Variants in C4BPB observed in about 807,000 individuals in gnomAD.
The protein encoded by C4BPB is C4b-binding protein beta chain.
Under a neutral mutation model 26.6 loss-of-function variants are expected in C4BPB, and 19 were observed. The ratio of observed to expected loss-of-function variants is 0.71; its 90% confidence interval spans 0.50 to 1.05. The LOEUF (loss-of-function observed/expected upper bound fraction) is 1.05, where lower values mean the gene tolerates loss of function less well. Among genes scored for constraint, C4BPB ranks in the 50% least tolerant of loss-of-function variants. The pLI, the probability that C4BPB is intolerant of heterozygous loss-of-function variation, is 0.00. For synonymous variants in C4BPB, 118 were observed against 103.5 expected (o/e 1.14, Z -0.85); for missense variants, 282 against 302.9 (o/e 0.93, Z 0.51).
intron 2 of C4BPB, among the ~76,000 whole-genome samples, 193 bp from the exon 3 acceptor site, chr1:207,090,115 C>G (rs1395350601): frequency 1.3e-5 from 2 of 152,122 alleles, no homozygotes; most frequent in Admixed American, 6.5e-5. Context: ...GCTGAAAATA[C>G]AAAAAATTAG....
At chr1:207,098,600 G>A (rs1284653961) in intron 6 of C4BPB, among the ~76,000 whole-genome samples, 1 of 152,122 alleles carries the variant, frequency 6.6e-6, no homozygotes, top group Non-Finnish European at 1.5e-5. Flanking sequence ...GGATGGGGGT[G>A]GGGAGAGTGG....
intron 3 of C4BPB, among the ~76,000 whole-genome samples, chr1:207,091,419 A>G (rs529101668): frequency 6.6e-6 from 1 of 152,332 alleles, no homozygotes; most frequent in East Asian, 1.9e-4. Flanking sequence ...TTGCCAATTC[A>G]TGTTGTTCTT....
intron 4 of C4BPB, chr1:207,095,991 G>A (rs1238553809): frequency 1.1e-5 from 2 of 177,642 alleles, no homozygotes; most frequent in Admixed American, 1.1e-4. Flanking sequence ...ACAGCCTGCA[G>A]AACTGTGAGC....
intron 4 of C4BPB, among the ~76,000 whole-genome samples, chr1:207,093,522 A>C (rs1006842165): frequency 6.6e-6 from 1 of 152,190 alleles, no homozygotes; most frequent in South Asian, 2.1e-4. Flanking sequence ...TCAGGAGGAA[A>C]AGTCTATTCA....
At chr1:207,092,828 TC>T (rs1684089458) in intron 4 of C4BPB, among the ~76,000 whole-genome samples, 4 of 152,066 alleles carry the variant, frequency 2.6e-5, no homozygotes, top group South Asian at 4.1e-4. Context: ...GGTTTCACCA[TC>T]TTGGCCAGAC....
At chr1:207,090,237 G>C (rs1360965050) in intron 2 of C4BPB, 71 bp from the exon 3 acceptor site, 2 of 1,187,356 alleles carry the variant, frequency 1.7e-6, no homozygotes, top group South Asian at 1.5e-5. Context: ...ACATGAGAAT[G>C]GGGAAATCTA....
Position 207,096,597 on chromosome 1 carries a change from G to T in C4BPB, c.485G>T (p.Ser162Ile). The change falls in exon 5 of 7, where the codon AGT becomes ATT. Residue 162 changes from serine to isoleucine, a missense_variant. Physicochemically the swap from Ser to Ile is moderately radical, Grantham distance 142. Coordinates refer to ENST00000367078, the MANE Select transcript of C4BPB (RefSeq NM_001017365.3). ...GNNFTLGSTISYYCEDRYYLV... is the reference protein window; with the variant it reads ...GNNFTLGSTIIYYCEDRYYLV... ...AACTTCACCTTAGGATCCACCATTA[G>T]TTATTACTGTGAAGACAGGTAAGTG... 1 of 1,594,776 alleles carries T rather than the reference G, an allele frequency of 6.3e-7. No homozygotes were observed. Among genetic ancestry groups the T allele is most frequent in the South Asian group, 1.1e-5 (1 of 89,908 alleles).
chr1:207,091,561 C>A, intron 3 of C4BPB, 83 bp from the exon 4 acceptor site: 1 of 1,113,746 alleles, frequency 9.0e-7, no homozygotes, highest in Non-Finnish European at 1.3e-6. Context: ...GCTGTTTTCT[C>A]ACTGAAGACT....
At chr1:207,099,669 C>T in intron 6 of C4BPB, 120 bp from the exon 7 acceptor site, 1 of 713,994 alleles carries the variant, frequency 1.4e-6, no homozygotes, top group Non-Finnish European at 2.3e-6. Context: ...CAAATCTTTA[C>T]TTAAGCTAGC....
intron 4 of C4BPB, chr1:207,095,481 C>T: frequency 2.2e-6 from 1 of 451,862 alleles, no homozygotes; most frequent in South Asian, 1.6e-5. Context: ...CAGGTGCGCA[C>T]CCACGCTGGG....
At chr1:207,091,467 A>G (rs750775854) in intron 3 of C4BPB, among the ~76,000 whole-genome samples, 177 bp from the exon 4 acceptor site, 1 of 152,152 alleles carries the variant, frequency 6.6e-6, no homozygotes, top group East Asian at 1.9e-4. Context: ...ACTTAGGTCA[A>G]TCTCCTCTTT....
chr1:207,089,431 G>C (rs1683931082), intron 1 of C4BPB, 51 bp from the exon 2 acceptor site: 4 of 915,590 alleles, frequency 4.4e-6, no homozygotes, highest in Admixed American at 1.9e-5. Context: ...GAGAGGAGGT[G>C]GTTAGGTTGG....
Position 207,091,671 on chromosome 1 carries a change from T to C in C4BPB, c.260T>C (p.Val87Ala). The change falls in exon 4 of 7, where the codon GTG becomes GCG. Residue 87 changes from valine (V) to alanine (A), a missense_variant. Val to Ala is a moderately conservative substitution (Grantham distance 64). Transcript: ENST00000367078. ...GGCCACTGTCCTGATCCTGTGCTGGTGAATGGAGAGTTCAGTTCTTCAGGG... is the reference window on the plus strand; with the variant it reads ...GGCCACTGTCCTGATCCTGTGCTGGCGAATGGAGAGTTCAGTTCTTCAGGG... ...RLGHCPDPVL[V>A]NGEFSSSGPV... 2 of 1,613,992 alleles carry C rather than the reference T, an allele frequency of 1.2e-6. No homozygotes were observed. Among genetic ancestry groups the C allele is most frequent in the Non-Finnish European group, 1.7e-6 (2 of 1,179,984 alleles).
intron 5 of C4BPB, among the ~76,000 whole-genome samples, chr1:207,097,659 G>A (rs1030077710): frequency 1.1e-4 from 16 of 151,796 alleles, no homozygotes; most frequent in African/African-American, 3.1e-4. Flanking sequence ...TCAGAGTCAT[G>A]TGGCCTCACT....
At chr1:207,099,375 G>A (rs1159638317) in intron 6 of C4BPB, among the ~76,000 whole-genome samples, 4 of 152,214 alleles carry the variant, frequency 2.6e-5, no homozygotes, top group East Asian at 1.9e-4. Flanking sequence ...TTGCCTGCCC[G>A]CTGCTCACTT....
At chr1:207,092,895 G>C (rs567043149) in intron 4 of C4BPB, among the ~76,000 whole-genome samples, 1 of 152,092 alleles carries the variant, frequency 6.6e-6, no homozygotes, top group Admixed American at 6.6e-5. Context: ...AAAGTGCTGG[G>C]ATTACAGGCG....
chr1:207,096,620 G>A lies in C4BPB; in HGVS notation c.503+5G>A. 1 of 1,510,566 alleles carries A rather than the reference G, an allele frequency of 6.6e-7. No individual in the cohort carries two copies. Among genetic ancestry groups the A allele is most frequent in the Non-Finnish European group, 9.1e-7 (1 of 1,094,722 alleles). 93.6% of individuals were successfully genotyped at this position (1,510,566 alleles called of 1,614,324 possible). A position where few individuals can be genotyped will look rare whatever the true frequency, so the allele number is the denominator to read the frequency against. On this transcript the variant is annotated splice_donor_5th_base_variant and intron_variant, in intron 5 of 6. Coordinates refer to ENST00000367078, the MANE Select transcript of C4BPB (RefSeq NM_001017365.3). ...TAGTTATTACTGTGAAGACAGGTAA[G>A]TGAACACAGCCTGTCAAATGCCAGA...
Position 207,096,566 on chromosome 1 carries a change from G to A in C4BPB, c.454G>A (p.Gly152Arg). The change falls in exon 5 of 7, where the codon GGA becomes AGA. Residue 152 changes from glycine to arginine, a missense_variant. Physicochemically the swap from Gly to Arg is moderately radical, Grantham distance 125. Transcript: ENST00000367078. ...GAATCCAGTTCATGGCTATTTTGAA[G>A]GAAATAACTTCACCTTAGGATCCAC... ...PGNPVHGYFE[G>R]NNFTLGSTIS... 5.0e-6 allele frequency: 8 copies of A among 1,610,322 alleles called. No individual in the cohort carries two copies. Among genetic ancestry groups the A allele is most frequent in the Non-Finnish European group, 6.8e-6 (8 of 1,177,118 alleles).
chr1:207,099,556 C>A (rs989008643), intron 6 of C4BPB, among the ~76,000 whole-genome samples: 1 of 152,158 alleles, frequency 6.6e-6, no homozygotes, highest in African/African-American at 2.4e-5. Flanking sequence ...TGAACAGATC[C>A]ATTTTCATTG....
Sources: gnomAD v4.1 joint callset for allele counts (sites outside exome capture counted in the v4.1 genomes callset) on GRCh38, gnomAD v4.1.1 for gene constraint, MANE v1.5 for transcripts, NCBI Gene and HGNC (gene_info 2026-07-23, HGNC 2026-07-21) for gene names.